Variants in INTS4 observed in about 807,000 individuals in gnomAD.
INTS4 encodes the protein integrator complex subunit 4, also known as MSTP093.
In INTS4, 70 loss-of-function variants were observed where a neutral mutation model predicts 119.5. The ratio of observed to expected loss-of-function variants is 0.59; its 90% CI spans 0.48 to 0.71. INTS4 has a LOEUF of 0.71. INTS4 is among the 30% of genes least tolerant of loss of function. The pLI is 0.00. For missense variants in INTS4, 867 were observed against 1,173.2 expected, an observed-to-expected ratio of 0.74 and a Z score of 3.81; for synonymous variants, 316 against 419.6, an observed-to-expected ratio of 0.75 and a Z score of 3.02.
At position 77,891,360 on chromosome 11, in the gene INTS4, G is replaced by T; in HGVS notation, c.2551C>A (p.Leu851Met). 1 of 1,611,156 alleles carries T rather than the reference G, an allele frequency of 6.2e-7. No homozygotes were observed. The highest frequency in any genetic ancestry group is 1.3e-5 in the African/African-American group (1 of 75,004). The change falls in exon 21 of 23, where the codon CTG (leucine) becomes ATG (methionine). Residue 851 changes from leucine to methionine, a missense_variant. Physicochemically the swap from Leu to Met is conservative, Grantham distance 15. Around this residue, in one of 5 missense-constraint regions of INTS4, gnomAD observed 262 missense variants for 376.0 expected, o/e 0.70. Transcript: ENST00000534064. ...LVVALDVDATLEHVQDPQNTV... is the reference protein window; with the variant it reads ...LVVALDVDATMEHVQDPQNTV... ...TTCTGAGGATCCTGCACATGCTCCA[G>T]GGTTGCATCAACATCCAGGGCAACC...
intron 8 of INTS4, among the ~76,000 whole-genome samples, chr11:77,952,386 A>G (rs1310780812): frequency 6.6e-6 from 1 of 152,242 alleles, no homozygotes; most frequent in Non-Finnish European, 1.5e-5. Flanking sequence ...TTTGTTATTT[A>G]TAAGTAATAC....
chr11:77,983,791 T>C (rs996428956), intron 2 of INTS4, among the ~76,000 whole-genome samples: 7 of 152,308 alleles, frequency 4.6e-5, no homozygotes, highest in South Asian at 2.1e-4. Flanking sequence ...CTGGGCCTTT[T>C]GGCTAAGATC....
At chr11:77,880,559 G>A (rs1478892751) in intron 22 of INTS4, among the ~76,000 whole-genome samples, 1 of 152,138 alleles carries the variant, frequency 6.6e-6, no homozygotes, top group Non-Finnish European at 1.5e-5. Flanking sequence ...ACTTAGGGTG[G>A]AATCAAAATA....
At chr11:77,896,472 G>A (rs1952523429) in intron 18 of INTS4, among the ~76,000 whole-genome samples, 1 of 152,076 alleles carries the variant, frequency 6.6e-6, no homozygotes, top group Non-Finnish European at 1.5e-5. Context: ...ACCAAACATG[G>A]AGAAACCCTG....
intron 3 of INTS4, among the ~76,000 whole-genome samples, 159 bp downstream of exon 3, chr11:77,981,300 T>C (rs1460647248): frequency 6.6e-6 from 1 of 152,044 alleles, no homozygotes; most frequent in African/African-American, 2.4e-5. Flanking sequence ...GATAAAACTG[T>C]ATTTCTACTC....
At chr11:77,984,662 C>CA in intron 2 of INTS4, among the ~76,000 whole-genome samples, 1 of 152,064 alleles carries the variant, frequency 6.6e-6, no homozygotes, top group East Asian at 1.9e-4. Flanking sequence ...ACTTAACACA[C>CA]ATGAACTGCA....
intron 11 of INTS4, among the ~76,000 whole-genome samples, chr11:77,928,113 C>T (rs1953553530): frequency 6.6e-6 from 1 of 152,182 alleles, no homozygotes; most frequent in Admixed American, 6.5e-5. Flanking sequence ...TCAGGTTAGA[C>T]ACTATGTATT....
intron 4 of INTS4, among the ~76,000 whole-genome samples, chr11:77,975,573 T>C (rs1855911119): frequency 6.6e-6 from 1 of 152,052 alleles, no homozygotes; most frequent in South Asian, 2.1e-4. Flanking sequence ...GCGGTTGTAG[T>C]TATGAATCAC....
intron 16 of INTS4, among the ~76,000 whole-genome samples, chr11:77,904,384 C>T (rs1451319114): frequency 6.6e-6 from 1 of 152,170 alleles, no homozygotes; most frequent in Admixed American, 6.5e-5. Context: ...TTTTAAGATA[C>T]AAAGACTAAG....
chr11:77,941,910 A>G (rs1300281919), intron 8 of INTS4, among the ~76,000 whole-genome samples: 1 of 152,302 alleles, frequency 6.6e-6, no homozygotes, highest in Non-Finnish European at 1.5e-5. Flanking sequence ...CATTTTATAT[A>G]TGGAGAAAAG....
At position 77,891,847 on chromosome 11, in the gene INTS4, G is replaced by A; in HGVS notation, c.2289-7C>T. ...CAAATCAGCGATGAAATACCTGGAG[G>A]AACAAACAGAAGCAACTGACTCATT... On this transcript the variant is annotated splice_polypyrimidine_tract_variant and splice_region_variant and intron_variant, in intron 19 of 22. Transcript: ENST00000534064. The A allele has an allele frequency of 3.7e-6, 6 of 1,610,732 alleles. No homozygotes were observed. Among genetic ancestry groups the A allele is most frequent in the African/African-American group, 1.3e-5 (1 of 74,948 alleles).
intron 4 of INTS4, among the ~76,000 whole-genome samples, chr11:77,970,953 G>A (rs1449193110): frequency 4.6e-5 from 7 of 151,904 alleles, no homozygotes; most frequent in Admixed American, 3.9e-4. Flanking sequence ...GATTACAGGC[G>A]CCCACCACCA....
Position 77,928,166 on chromosome 11 carries a change from T to G in INTS4, c.1371+176A>C, listed in dbSNP as rs1348954561. ...TTTCTTGATCACAGAAAGACCAAGC[T>G]TATTCAAATTTCCTGTTTCACAGTC... is the stretch of plus-strand genomic sequence containing the variant. On this transcript the variant is annotated intron_variant, in intron 11 of 22. Coordinates refer to ENST00000534064, the MANE Select transcript of INTS4 (RefSeq NM_033547.4). Among the ~76,000 whole-genome samples, 3 of 152,224 alleles carry G rather than the reference T, an allele frequency of 2.0e-5. No individual in the cohort carries two copies. The East Asian group carries it at 5.8e-4, about 29-fold the overall frequency.
intron 11 of INTS4, among the ~76,000 whole-genome samples, chr11:77,925,472 TC>T (rs1953474509): frequency 6.6e-6 from 1 of 152,188 alleles, no homozygotes; most frequent in Non-Finnish European, 1.5e-5. Flanking sequence ...CCGCAATCTC[TC>T]AATTTATTAA....
In INTS4 at chr11:77,981,475, G is replaced by T. The variant is rs1290512319; in HGVS notation, c.348C>A (p.Asn116Lys). 2 of 1,522,324 alleles carry T rather than the reference G, an allele frequency of 1.3e-6. No homozygotes were observed. Among genetic ancestry groups the T allele is most frequent in the Non-Finnish European group, 1.8e-6 (2 of 1,121,258 alleles). 94.3% of individuals were successfully genotyped at this position (1,522,324 alleles called of 1,614,324 possible). Reference sequence around the variant, plus strand: ...GCAACTTACTTTCATTCTGCAGGATGTTGATGGCATCATCCATAATGCAGT... The same window carrying T: ...GCAACTTACTTTCATTCTGCAGGATTTTGATGGCATCATCCATAATGCAGT... ...SPDCIMDDAI[N>K]ILQNEKSHQV... The change falls in exon 3 of 23, where the codon AAC (asparagine) becomes AAA (lysine). Residue 116 changes from asparagine (N) to lysine (K), a missense_variant. Around this residue, in one of 5 missense-constraint regions of INTS4, gnomAD observed 224 missense variants for 231.8 expected, o/e 0.97. Coordinates refer to ENST00000534064, the MANE Select transcript of INTS4 (RefSeq NM_033547.4).
intron 21 of INTS4, 57 bp downstream of exon 21, chr11:77,891,262 A>C: frequency 6.4e-7 from 1 of 1,554,504 alleles, no homozygotes; most frequent in Non-Finnish European, 8.8e-7. Flanking sequence ...TGCTAACATT[A>C]AATACTTCAA....
Position 77,893,824 on chromosome 11 carries a change from C to T in INTS4, c.2288+466G>A, listed in dbSNP as rs1318082184. Among the ~76,000 whole-genome samples the T allele has an allele frequency of 7.2e-5, 11 of 151,780 alleles. 1 individual carries two copies. The South Asian group carries it at 1.9e-3, about 26-fold the overall frequency. The stretch of plus-strand genomic sequence containing the variant: ...AGAAGAATCACTTGAACCCAGGAGG[C>T]GGAGGCTGCAGTGAGCCAAGACTGC... On this transcript the variant is annotated intron_variant, in intron 19 of 22. Coordinates refer to ENST00000534064, the MANE Select transcript of INTS4 (RefSeq NM_033547.4).
At chr11:77,948,884 T>C (rs962075093) in intron 8 of INTS4, among the ~76,000 whole-genome samples, 1 of 151,440 alleles carries the variant, frequency 6.6e-6, no homozygotes, top group African/African-American at 2.4e-5. Flanking sequence ...CAAGCAAGAA[T>C]TAAAACATAT....
downstream of INTS4, among the ~76,000 whole-genome samples, chr11:77,875,749 C>T (rs74349892): frequency 0.012 from 1,824 of 152,194 alleles, 35 homozygotes; most frequent in African/African-American, 0.041. Flanking sequence ...ATAAGAGACA[C>T]AGATATGTCC....
Sources: gnomAD v4.1 joint callset for allele counts (sites outside exome capture counted in the v4.1 genomes callset) on GRCh38, gnomAD v4.1.1 for gene constraint, gnomAD v4.1.1 regional missense constraint, MANE v1.5 for transcripts, NCBI Gene and HGNC (gene_info 2026-07-23, HGNC 2026-07-21) for gene names.